CNTNAP2: variants seen among roughly 807,000 people sequenced by gnomAD.
CNTNAP2 encodes contactin associated protein 2.
Under a neutral mutation model 155.2 loss-of-function variants are expected in CNTNAP2, and 98 were observed. The ratio of observed to expected loss-of-function variants is 0.63; its 90% CI spans 0.54 to 0.75. CNTNAP2 has a LOEUF of 0.75. CNTNAP2 is among the 30% of genes least tolerant of loss of function. The pLI is 0.00. For synonymous variants in CNTNAP2, 651 were observed against 631.2 expected, an observed-to-expected ratio of 1.03 and a Z score of -0.47; for missense variants, 1,727 against 1,688.1, an observed-to-expected ratio of 1.02 and a Z score of -0.40.
intron 1 of CNTNAP2, among the ~76,000 whole-genome samples, chr7:146,210,426 C>T (rs148728780): frequency 6.6e-6 from 1 of 152,090 alleles, no homozygotes; most frequent in African/African-American, 2.4e-5. Flanking sequence ...GCCTCAGCTT[C>T]CTGAGCAGCT....
At chr7:146,580,472 T>A (rs1798594950) in intron 1 of CNTNAP2, among the ~76,000 whole-genome samples, 3 of 146,684 alleles carry the variant, frequency 2.0e-5, no homozygotes, top group African/African-American at 5.0e-5. Flanking sequence ...TATCCCCAAT[T>A]AAAAAAAAAA....
At chr7:146,705,602 G>C (rs1289186829) in intron 1 of CNTNAP2, among the ~76,000 whole-genome samples, 1 of 137,714 alleles carries the variant, frequency 7.3e-6, no homozygotes, top group Non-Finnish European at 1.5e-5. Context: ...ACGAAAAGAG[G>C]CTTAATGGAC....
chr7:146,381,301 A>G (rs999286316), intron 1 of CNTNAP2, among the ~76,000 whole-genome samples: 8 of 152,186 alleles, frequency 5.3e-5, no homozygotes, highest in African/African-American at 1.9e-4. Context: ...TTGAGAACAA[A>G]TCTATAAGGA....
intron 8 of CNTNAP2, among the ~76,000 whole-genome samples, chr7:147,216,073 T>G (rs1224832367): frequency 6.6e-6 from 1 of 152,084 alleles, no homozygotes; most frequent in African/African-American, 2.4e-5. Context: ...TCTTTTATGT[T>G]TTGAAAAACA....
chr7:147,612,674 T>TA (rs1801210499), intron 12 of CNTNAP2, among the ~76,000 whole-genome samples: 1 of 152,180 alleles, frequency 6.6e-6, no homozygotes, highest in Non-Finnish European at 1.5e-5. Context: ...GTGCAGGAAT[T>TA]ACAGGCGTGA....
chr7:146,245,550 T>C (rs1387423869), intron 1 of CNTNAP2, among the ~76,000 whole-genome samples: 2 of 152,064 alleles, frequency 1.3e-5, no homozygotes, highest in African/African-American at 4.8e-5. Flanking sequence ...GTCCTGGCTC[T>C]TGTGTAAGAA....
chr7:147,118,688 G>A (rs1030205076), intron 5 of CNTNAP2, among the ~76,000 whole-genome samples: 8 of 152,110 alleles, frequency 5.3e-5, no homozygotes, highest in Non-Finnish European at 1.0e-4. Flanking sequence ...TGTATAGCAT[G>A]TTACTGTACT....
intron 19 of CNTNAP2, among the ~76,000 whole-genome samples, chr7:148,227,751 G>T (rs766796628): frequency 3.9e-5 from 6 of 152,162 alleles, no homozygotes; most frequent in African/African-American, 7.2e-5. Context: ...AAATAGTGAA[G>T]GTTTGTTGAA....
intron 21 of CNTNAP2, among the ~76,000 whole-genome samples, chr7:148,344,948 T>G (rs1305477655): frequency 6.6e-6 from 1 of 152,220 alleles, no homozygotes; most frequent in African/African-American, 2.4e-5. Context: ...TGCCGCGATT[T>G]AGCCATGAGC....
chr7:147,022,494 T>C (rs1346866212), intron 3 of CNTNAP2, among the ~76,000 whole-genome samples: 1 of 152,058 alleles, frequency 6.6e-6, no homozygotes, highest in East Asian at 1.9e-4. Context: ...TATATATTTA[T>C]AACACATATA....
At position 146,834,706 on chromosome 7, in the gene CNTNAP2, C is replaced by G. The variant is rs1237598679; in HGVS notation, c.209-5005C>G. Among the ~76,000 whole-genome samples, 3 of 152,294 alleles carry G rather than the reference C, an allele frequency of 2.0e-5. No homozygotes were observed. In the East Asian group the frequency reaches 5.8e-4, roughly 29 times the overall value. On this transcript the variant is annotated intron_variant, in intron 2 of 23. Transcript: ENST00000361727. ...TCTAGGCAAGTGTTCTTCTTAGGAA[C>G]TAAGAGTTTATGACTGTTCAGCATC...
intron 12 of CNTNAP2, among the ~76,000 whole-genome samples, chr7:147,613,547 A>G (rs959110202): frequency 2.6e-5 from 4 of 152,108 alleles, no homozygotes; most frequent in African/African-American, 9.7e-5. Context: ...TTTAAGAAAT[A>G]ATAGAAAAAG....
chr7:148,236,335 T>C (rs1258419941), intron 20 of CNTNAP2, among the ~76,000 whole-genome samples: 1 of 152,180 alleles, frequency 6.6e-6, no homozygotes, highest in Non-Finnish European at 1.5e-5. Context: ...GCTAAGTCAG[T>C]TTGCTAAACA....
intron 14 of CNTNAP2, among the ~76,000 whole-genome samples, chr7:147,943,190 C>T (rs966562882): frequency 5.3e-5 from 8 of 152,160 alleles, no homozygotes; most frequent in African/African-American, 1.9e-4. Flanking sequence ...AGGACAATAC[C>T]TATCTCACTT....
At chr7:146,801,791 C>T (rs1802883284) in intron 2 of CNTNAP2, among the ~76,000 whole-genome samples, 1 of 152,000 alleles carries the variant, frequency 6.6e-6, no homozygotes, top group Non-Finnish European at 1.5e-5. Flanking sequence ...TTTTATTATA[C>T]CAAATAGCAG....
intron 1 of CNTNAP2, among the ~76,000 whole-genome samples, chr7:146,764,471 TAG>T (rs1361987616): frequency 7.4e-6 from 1 of 134,456 alleles, no homozygotes; most frequent in Non-Finnish European, 1.5e-5. Flanking sequence ...TTTTGTGTTG[TAG>T]AGTTTTTTTT....
At chr7:146,860,631 G>A (rs1168416521) in intron 3 of CNTNAP2, among the ~76,000 whole-genome samples, 1 of 151,994 alleles carries the variant, frequency 6.6e-6, no homozygotes, top group South Asian at 2.1e-4. Flanking sequence ...ATAGTCTATT[G>A]TGGAAAAATT....
Position 147,308,166 on chromosome 7 carries a change from C to T in CNTNAP2, c.1498+7876C>T, listed in dbSNP as rs1366646827. Among the ~76,000 whole-genome samples, 7 of 152,236 alleles carry T rather than the reference C, an allele frequency of 4.6e-5. No homozygotes were observed. The East Asian group carries it at 1.4e-3, about 29-fold the overall frequency. On this transcript the variant is annotated intron_variant, in intron 9 of 23. Transcript: ENST00000361727. ...CATGAGAAGATGGGAGAGAAGAACACTCTTGGTAGAGGGGAAAGCAAGTGG... is the reference window on the plus strand; with the variant it reads ...CATGAGAAGATGGGAGAGAAGAACATTCTTGGTAGAGGGGAAAGCAAGTGG...
At chr7:147,125,222 G>A (rs1020903251) in intron 6 of CNTNAP2, among the ~76,000 whole-genome samples, 5 of 151,782 alleles carry the variant, frequency 3.3e-5, no homozygotes, top group African/African-American at 7.3e-5. Context: ...TCACCATGTC[G>A]ACCAGGATGG....
Sources: allele counts gnomAD v4.1 joint callset (sites outside exome capture counted in the v4.1 genomes callset), GRCh38; gene constraint gnomAD v4.1.1; transcripts MANE v1.5; gene names NCBI Gene and HGNC (gene_info 2026-07-23, HGNC 2026-07-21).